RORB: variants seen among roughly 807,000 people sequenced by gnomAD.
The protein encoded by RORB is RAR related orphan receptor B.
A neutral mutation model predicts 59.1 loss-of-function variants in RORB; 6 were observed. That is an observed-to-expected ratio of 0.10 (90% CI 0.06 to 0.20). RORB has a LOEUF of 0.20. RORB is among the 10% of genes least tolerant of loss of function. RORB has a pLI of 1.00. For synonymous variants in RORB, 215 were observed against 204.5 expected, an observed-to-expected ratio of 1.05 and a Z score of -0.44; for missense variants, 320 against 560.5, an observed-to-expected ratio of 0.57 and a Z score of 4.33.
At chr9:74,498,333 T>G in intron 1 of RORB, 3 of 289,260 alleles carry the variant, frequency 1.0e-5, no homozygotes, top group Non-Finnish European at 1.3e-5. Context: ...GGGATGCCTC[T>G]GGACAGGAGC....
intron 1 of RORB, among the ~76,000 whole-genome samples, chr9:74,591,939 AGAGT>A (rs1257950344): frequency 1.3e-5 from 2 of 151,970 alleles, no homozygotes; most frequent in African/African-American, 4.8e-5. Context: ...TTCATGTGTG[AGAGT>A]GAGAGAGAGA....
At chr9:74,500,374 G>C (rs1346039638) in intron 1 of RORB, among the ~76,000 whole-genome samples, 2 of 152,130 alleles carry the variant, frequency 1.3e-5, no homozygotes, top group African/African-American at 4.8e-5. Flanking sequence ...AAAGATCCAG[G>C]CTACTCTGAC....
chr9:74,620,512 T>A (rs1018301761), intron 1 of RORB, among the ~76,000 whole-genome samples: 2 of 149,980 alleles, frequency 1.3e-5, no homozygotes, highest in African/African-American at 4.8e-5. Flanking sequence ...ATTCACTGAT[T>A]TTTTTGAAGG....
At chr9:74,512,782 T>G (rs1825959470) in intron 1 of RORB, among the ~76,000 whole-genome samples, 1 of 152,164 alleles carries the variant, frequency 6.6e-6, no homozygotes, top group African/African-American at 2.4e-5. Flanking sequence ...CTGAGAAAGC[T>G]GCTTCCTCTT....
intron 1 of RORB, among the ~76,000 whole-genome samples, chr9:74,525,736 T>C (rs889668235): frequency 4.6e-5 from 7 of 151,970 alleles, no homozygotes; most frequent in Non-Finnish European, 1.0e-4. Flanking sequence ...AGAATTCTAC[T>C]GTTTTTTGCT....
intron 1 of RORB, among the ~76,000 whole-genome samples, chr9:74,573,840 A>C (rs1366299224): frequency 6.6e-6 from 1 of 152,132 alleles, no homozygotes; most frequent in Non-Finnish European, 1.5e-5. Flanking sequence ...GCAATTTCTA[A>C]AACCACTGTG....
chr9:74,611,824 A>AT (rs1285072478), intron 1 of RORB, among the ~76,000 whole-genome samples: 5 of 151,982 alleles, frequency 3.3e-5, no homozygotes, highest in Non-Finnish European at 7.4e-5. Context: ...ACTTTTTTGT[A>AT]TTTTTAGTAG....
At chr9:74,597,348 A>C (rs1019509109) in intron 1 of RORB, among the ~76,000 whole-genome samples, 1 of 152,244 alleles carries the variant, frequency 6.6e-6, no homozygotes. Context: ...TCTATAACTG[A>C]AAAGGAACAT....
intron 1 of RORB, among the ~76,000 whole-genome samples, chr9:74,557,721 A>G (rs1279760645): frequency 6.6e-6 from 1 of 152,048 alleles, no homozygotes; most frequent in Non-Finnish European, 1.5e-5. Context: ...TCTTTATAAT[A>G]TCCCTCGCAA....
intron 9 of RORB, among the ~76,000 whole-genome samples, chr9:74,675,886 C>T (rs1254255384): frequency 1.3e-5 from 2 of 152,114 alleles, no homozygotes; most frequent in Non-Finnish European, 2.9e-5. Context: ...GGACCACTGC[C>T]GAGGTTAGAG....
intron 2 of RORB, among the ~76,000 whole-genome samples, chr9:74,631,988 G>T (rs546327305): frequency 6.6e-6 from 1 of 152,168 alleles, no homozygotes; most frequent in East Asian, 1.9e-4. Context: ...CCATTCTATT[G>T]GCTTGTTATG....
rs754814630 is a variant in RORB, at chr9:74,687,927, G to C, written c.*2309G>C. ...ACTTATGTCAAACTTTGTTTTCATT[G>C]TTCTGTTGGCCTAGTGTTTTCCATT... On this transcript the variant is annotated 3_prime_UTR_variant, in exon 10 of 10. Transcript: ENST00000376896. 1 of 152,070 alleles carries C rather than the reference G, an allele frequency of 6.6e-6. No individual in the cohort carries two copies. The highest frequency in any genetic ancestry group is 2.4e-5 in the African/African-American group (1 of 41,410). The allele number at this position is 152,070 out of a possible 1,614,324, so 9.4% of individuals were successfully genotyped here.
Position 74,525,316 on chromosome 9 carries a change from C to A in RORB, c.7+27333C>A, listed in dbSNP as rs540681471. ...TCATTACTAGCTAAAGGTTTGCATG[C>A]CATATAAAATGCATTCTAAAATCAA... is the stretch of plus-strand genomic sequence containing the variant. On this transcript the variant is annotated intron_variant, in intron 1 of 9. Transcript: ENST00000376896. Among the ~76,000 whole-genome samples, 18 of 151,918 alleles carry A rather than the reference C, an allele frequency of 1.2e-4. No individual in the cohort carries two copies. The South Asian group carries it at 3.7e-3, about 32-fold the overall frequency.
At chr9:74,611,316 C>T (rs1012866358) in intron 1 of RORB, among the ~76,000 whole-genome samples, 2 of 152,062 alleles carry the variant, frequency 1.3e-5, no homozygotes, top group Non-Finnish European at 2.9e-5. Context: ...AATGCCAGAT[C>T]AAGGGGATGA....
chr9:74,633,130 C>G (rs1266933620), intron 2 of RORB, among the ~76,000 whole-genome samples: 1 of 152,144 alleles, frequency 6.6e-6, no homozygotes, highest in Non-Finnish European at 1.5e-5. Flanking sequence ...GAGCTGAAGA[C>G]AAAAGGAAAA....
At chr9:74,521,122 G>T (rs1826080283) in intron 1 of RORB, among the ~76,000 whole-genome samples, 1 of 151,844 alleles carries the variant, frequency 6.6e-6, no homozygotes, top group Non-Finnish European at 1.5e-5. Context: ...TAATCACCAA[G>T]CTTGAGCTGA....
intron 9 of RORB, among the ~76,000 whole-genome samples, chr9:74,679,245 A>G (rs1450129913): frequency 6.6e-6 from 1 of 152,020 alleles, no homozygotes; most frequent in Non-Finnish European, 1.5e-5. Flanking sequence ...TTTCATTTCT[A>G]TTTGGTCAGG....
At chr9:74,507,447 G>T (rs1424009801) in intron 1 of RORB, among the ~76,000 whole-genome samples, 1 of 152,040 alleles carries the variant, frequency 6.6e-6, no homozygotes, top group Non-Finnish European at 1.5e-5. Context: ...GAAACCAGTT[G>T]TATTTGACAG....
intron 1 of RORB, among the ~76,000 whole-genome samples, chr9:74,502,946 CA>C (rs946655441): frequency 5.3e-5 from 8 of 150,496 alleles, no homozygotes; most frequent in South Asian, 2.1e-4. Context: ...TCTACAAAGA[CA>C]AAAAAAAGTA....
Sources: allele counts gnomAD v4.1 joint callset (sites outside exome capture counted in the v4.1 genomes callset), GRCh38; gene constraint gnomAD v4.1.1; transcripts MANE v1.5; gene names NCBI Gene and HGNC (gene_info 2026-07-23, HGNC 2026-07-21).